Variants in MACROH2A1 observed in about 807,000 individuals in gnomAD.
MACROH2A1 encodes core histone macro-H2A.1.
MACROH2A1 carries 2 observed loss-of-function variants against 31.6 expected under a neutral mutation model. The observed-to-expected ratio is 0.06, with a 90% CI of 0.03 to 0.20. The LOEUF (loss-of-function observed/expected upper bound fraction) is 0.20. MACROH2A1 is among the 10% of genes least tolerant of loss of function. MACROH2A1 has a pLI of 1.00. For missense variants in MACROH2A1, 230 were observed against 474.0 expected, an observed-to-expected ratio of 0.49 and a Z score of 4.78; for synonymous variants, 169 against 189.6, an observed-to-expected ratio of 0.89 and a Z score of 0.89.
At chr5:135,339,313 C>T (rs182490572) in intron 8 of MACROH2A1, among the ~76,000 whole-genome samples, 51 of 152,280 alleles carry the variant, frequency 3.3e-4, no homozygotes, top group Admixed American at 9.2e-4. Flanking sequence ...GCTTGTCCCA[C>T]GGTCCTGTCT....
In MACROH2A1 at chr5:135,354,200, A is replaced by G. The variant is rs200542842; in HGVS notation, c.589-1155T>C. ...CACCCAGGAGAGGGCTGTGCACAAG[A>G]CACTTGGCAGGGAAGCTCCTGGCAA... On this transcript the variant is annotated intron_variant, in intron 5 of 8. Transcript: ENST00000511689. 3.3e-5 allele frequency: 5 copies of G among 152,260 alleles called. No individual in the cohort carries two copies. In the East Asian group the frequency reaches 9.6e-4, roughly 29 times the overall value. 9.4% of individuals were successfully genotyped at this position (152,260 alleles called of 1,614,324 possible).
At chr5:135,370,191 C>A in intron 2 of MACROH2A1, 49 bp from the exon 3 acceptor site, 1 of 1,191,326 alleles carries the variant, frequency 8.4e-7, no homozygotes, top group South Asian at 1.3e-5. Flanking sequence ...GACCATGTGT[C>A]CCCGCCCCGG....
chr5:135,397,251 TGCGAGGCGCTCCTC>T (rs1425222515), intron 1 of MACROH2A1, among the ~76,000 whole-genome samples: 1 of 152,272 alleles, frequency 6.6e-6, no homozygotes, highest in East Asian at 1.9e-4. Context: ...GGGGAAGGAA[TGCGAGGCGCTCCTC>T]AAGTTCGCCT....
chr5:135,396,991 C>T (rs1338249901), intron 1 of MACROH2A1, among the ~76,000 whole-genome samples: 1 of 152,156 alleles, frequency 6.6e-6, no homozygotes, highest in Non-Finnish European at 1.5e-5. Context: ...GCCCCAATCA[C>T]TCCTGCCCCT....
chr5:135,342,389 C>T (rs1760043456), intron 8 of MACROH2A1, among the ~76,000 whole-genome samples: 2 of 152,220 alleles, frequency 1.3e-5, no homozygotes, highest in African/African-American at 4.8e-5. Flanking sequence ...AGCCAGGATG[C>T]AACTCCAGGC....
At chr5:135,370,725 G>A (rs948093409) in intron 2 of MACROH2A1, among the ~76,000 whole-genome samples, 1 of 152,196 alleles carries the variant, frequency 6.6e-6, no homozygotes, top group African/African-American at 2.4e-5. Flanking sequence ...GGAGGTTGTT[G>A]TAGATTCAAA....
intron 1 of MACROH2A1, among the ~76,000 whole-genome samples, chr5:135,396,815 T>C (rs1768062848): frequency 1.3e-5 from 2 of 152,108 alleles, no homozygotes; most frequent in Non-Finnish European, 2.9e-5. Context: ...GAAATCTTTA[T>C]GGAAAGACTC....
intron 4 of MACROH2A1, chr5:135,361,557 A>G (rs916878434): frequency 6.6e-6 from 1 of 152,206 alleles, no homozygotes; most frequent in African/African-American, 2.4e-5. Context: ...TGAGAACAAC[A>G]TTGGTTTTCA....
rs117039567 is a variant in MACROH2A1 at position 135,387,098 on chromosome 5, T to C, written c.172+1824A>G. On this transcript the variant is annotated intron_variant, in intron 2 of 8. Coordinates refer to ENST00000511689, the MANE Select transcript of MACROH2A1 (RefSeq NM_138610.3). ...TAGGTCACAGAGCACGTACACTAAC[T>C]AGGCAAGAACTAAAATGTCTTCTGT... Among the ~76,000 whole-genome samples, 68 of 152,300 alleles carry C rather than the reference T, an allele frequency of 4.5e-4. No homozygotes were observed. In the East Asian group the frequency reaches 6.0e-3, roughly 13 times the overall value.
Position 135,389,136 on chromosome 5 carries a change from C to A in MACROH2A1, c.-33-10G>T. The stretch of plus-strand genomic sequence containing the variant: ...CGGATCAGTGAGCACACTGTGAAGG[C>A]GAGAGGCACACCGGTCAGGGTGGCT... On this transcript the variant is annotated splice_polypyrimidine_tract_variant and intron_variant, in intron 1 of 8. Coordinates refer to ENST00000511689, the MANE Select transcript of MACROH2A1 (RefSeq NM_138610.3). 6.3e-7 allele frequency: 1 copy of A among 1,584,600 alleles called. No homozygotes were observed. Among genetic ancestry groups the A allele is most frequent in the Non-Finnish European group, 8.6e-7 (1 of 1,159,274 alleles).
At chr5:135,390,821 A>G (rs1280643284) in intron 1 of MACROH2A1, among the ~76,000 whole-genome samples, 1 of 152,154 alleles carries the variant, frequency 6.6e-6, no homozygotes, top group Non-Finnish European at 1.5e-5. Flanking sequence ...GTGCATCTCA[A>G]ATCATCTGGG....
At chr5:135,335,436 G>A (rs1581090806) in intron 8 of MACROH2A1, among the ~76,000 whole-genome samples, 1 of 149,104 alleles carries the variant, frequency 6.7e-6, no homozygotes, top group East Asian at 1.9e-4. Flanking sequence ...TTAAGCCCCC[G>A]AAGTACAGTG....
chr5:135,389,947 G>A (rs1158656456), intron 1 of MACROH2A1, among the ~76,000 whole-genome samples: 3 of 152,156 alleles, frequency 2.0e-5, no homozygotes, highest in Non-Finnish European at 2.9e-5. Flanking sequence ...AACATGCCCC[G>A]GCCCTGGCCT....
chr5:135,365,962 G>A (rs775566423), intron 4 of MACROH2A1, among the ~76,000 whole-genome samples: 4 of 152,226 alleles, frequency 2.6e-5, no homozygotes, highest in Non-Finnish European at 5.9e-5. Context: ...CATGTGTCAA[G>A]GGTGAGACCA....
chr5:135,398,097 T>C lies in MACROH2A1; in HGVS notation c.-34+965A>G, dbSNP rs554987759. 2.0e-5 allele frequency among the ~76,000 whole-genome samples: 3 copies of C among 152,336 alleles called. No individual in the cohort carries two copies. Among genetic ancestry groups the C allele is most frequent in the African/African-American group, 7.2e-5 (3 of 41,562 alleles). The stretch of plus-strand genomic sequence containing the variant: ...TGTCCCAGTTGTTTGTACAGAAGTC[T>C]CTCACTTTGAAACTCAGAAACATTT... On this transcript the variant is annotated intron_variant, in intron 1 of 8. Transcript: ENST00000511689. This position sits in a 1 kb window ranked among gnomAD's most constrained non-coding sequence, Gnocchi z 4.6.
chr5:135,340,944 AATTG>A (rs746939367), intron 8 of MACROH2A1, among the ~76,000 whole-genome samples: 24 of 152,344 alleles, frequency 1.6e-4, no homozygotes, highest in Admixed American at 3.3e-4. Flanking sequence ...TCAAGCTTTC[AATTG>A]ATTATTTTTA....
At chr5:135,368,670 G>C (rs1353433906) in intron 4 of MACROH2A1, among the ~76,000 whole-genome samples, 1 of 152,222 alleles carries the variant, frequency 6.6e-6, no homozygotes, top group African/African-American at 2.4e-5. Flanking sequence ...ACTGGGCAAA[G>C]AAGGAACAAA....
intron 6 of MACROH2A1, chr5:135,346,335 A>C (rs1340164779): frequency 2.3e-6 from 1 of 429,484 alleles, no homozygotes; most frequent in Admixed American, 3.7e-5. Context: ...GATGTGAAAG[A>C]GACAGGACAT....
chr5:135,370,287 A>G, intron 2 of MACROH2A1, 145 bp from the exon 3 acceptor site: 1 of 571,518 alleles, frequency 1.7e-6, no homozygotes, highest in Non-Finnish European at 3.1e-6. Flanking sequence ...GGGCAGAGTC[A>G]CAGAGGTGCT....
Sources: gnomAD v4.1 joint callset for allele counts (sites outside exome capture counted in the v4.1 genomes callset) on GRCh38, gnomAD v4.1.1 for gene constraint, Gnocchi (gnomAD v3.1) non-coding constraint, MANE v1.5 for transcripts, NCBI Gene and HGNC (gene_info 2026-07-23, HGNC 2026-07-21) for gene names.